The following LRRC37A2 variants were observed in gnomAD, a reference collection of about 807,000 sequenced individuals.
LRRC37A2 encodes the protein leucine rich repeat containing 37 member A2, also known as leucine-rich repeat-containing protein 37A2.
LRRC37A2 carries 9 observed loss-of-function variants against 68.8 expected under a neutral mutation model. The ratio of observed to expected loss-of-function variants is 0.13; its 90% CI spans 0.08 to 0.23. The LOEUF is 0.23. Among genes scored for constraint, LRRC37A2 ranks in the 10% least tolerant of loss-of-function variants. The pLI is 1.00. For synonymous variants in LRRC37A2, 63 were observed against 367.6 expected (o/e 0.17, Z 9.48); for missense variants, 168 against 950.4 (o/e 0.18, Z 10.82).
chr17:46,779,730 C>A, the LRRC37A2 span, among the ~76,000 whole-genome samples: 2 of 151,934 alleles, frequency 1.3e-5, no homozygotes, highest in Non-Finnish European at 1.5e-5. Flanking sequence ...CTGCAGGAGG[C>A]CTGCATGGTG....
chr17:46,896,664 C>T, the LRRC37A2 span, among the ~76,000 whole-genome samples: 118 of 152,244 alleles, frequency 7.8e-4, no homozygotes, highest in Non-Finnish European at 1.4e-3. Flanking sequence ...GGTCAAGCTC[C>T]ATCATGGTCA....
chr17:46,501,760 T>C, the LRRC37A2 span, among the ~76,000 whole-genome samples: 1 of 151,332 alleles, frequency 6.6e-6, no homozygotes, highest in Admixed American at 6.6e-5. Context: ...CCGATTTCAA[T>C]TCCTGATTGG....
chr17:46,983,245 T>A, the LRRC37A2 span, among the ~76,000 whole-genome samples: 1 of 151,504 alleles, frequency 6.6e-6, no homozygotes. Context: ...GGCCTGGACC[T>A]AGCTAACCAC....
the LRRC37A2 span, chr17:46,876,238 C>T: frequency 1.1e-5 from 18 of 1,597,670 alleles, no homozygotes; most frequent in South Asian, 2.3e-5. Context: ...TTCTGCCTCC[C>T]CCACAGGCTG....
At chr17:47,040,180 T>G in the LRRC37A2 span, among the ~76,000 whole-genome samples, 1 of 150,790 alleles carries the variant, frequency 6.6e-6, no homozygotes, top group African/African-American at 2.4e-5. Flanking sequence ...TGGTGGCTCA[T>G]GCCTATAATC....
chr17:46,802,941 C>A, the LRRC37A2 span, among the ~76,000 whole-genome samples: 2 of 152,144 alleles, frequency 1.3e-5, no homozygotes, highest in African/African-American at 2.4e-5. Flanking sequence ...TCACAGGAAC[C>A]CTGATTTATA....
At chr17:46,943,562 G>A in the LRRC37A2 span, among the ~76,000 whole-genome samples, 7 of 152,214 alleles carry the variant, frequency 4.6e-5, no homozygotes, top group African/African-American at 1.7e-4. Flanking sequence ...CGCTTCCTGC[G>A]GAATGGGAGT....
At chr17:46,520,688 GAAAC>G (rs1227220557) in intron 4 of LRRC37A2, among the ~76,000 whole-genome samples, 4 of 27,912 alleles carry the variant, frequency 1.4e-4, no homozygotes, top group African/African-American at 4.4e-4. Flanking sequence ...AAAAAGAAAA[GAAAC>G]AAAGAAATAT....
At chr17:46,853,334 T>A in the LRRC37A2 span, among the ~76,000 whole-genome samples, 2 of 149,996 alleles carry the variant, frequency 1.3e-5, no homozygotes, top group Non-Finnish European at 3.0e-5. Context: ...GTGTCTAGCA[T>A]GCAGTAAGTG....
the LRRC37A2 span, among the ~76,000 whole-genome samples, chr17:47,025,840 T>A: frequency 8.5e-6 from 1 of 117,730 alleles, no homozygotes; most frequent in African/African-American, 3.3e-5. Context: ...ACAGAGACCA[T>A]GAAATAATAA....
the LRRC37A2 span, among the ~76,000 whole-genome samples, chr17:46,897,668 G>A: frequency 6.6e-6 from 1 of 151,412 alleles, no homozygotes; most frequent in Admixed American, 6.6e-5. Flanking sequence ...TTTTATTTTT[G>A]TAGAGATGGG....
At chr17:46,839,940 CTTT>C in the LRRC37A2 span, among the ~76,000 whole-genome samples, 2 of 148,120 alleles carry the variant, frequency 1.4e-5, no homozygotes, top group Non-Finnish European at 3.0e-5. Context: ...TTCTTTCTTT[CTTT>C]CTTTCTTTCT....
At chr17:46,839,655 C>T in the LRRC37A2 span, among the ~76,000 whole-genome samples, 1 of 152,176 alleles carries the variant, frequency 6.6e-6, no homozygotes, top group African/African-American at 2.4e-5. Context: ...TTACACTAGG[C>T]ATTTCTCCCA....
At chr17:46,811,565 G>A in the LRRC37A2 span, among the ~76,000 whole-genome samples, 2 of 152,130 alleles carry the variant, frequency 1.3e-5, no homozygotes, top group African/African-American at 4.8e-5. Context: ...ACTGAGACCT[G>A]AGCAACAGAA....
chr17:46,817,135 G>A, the LRRC37A2 span, among the ~76,000 whole-genome samples: 1,168 of 152,294 alleles, frequency 7.7e-3, 23 homozygotes, highest in Admixed American at 0.04. Context: ...TCTCTCCCAG[G>A]AGCCCCAAAC....
the LRRC37A2 span, among the ~76,000 whole-genome samples, chr17:46,499,295 G>C: frequency 1.0e-5 from 1 of 100,238 alleles, no homozygotes; most frequent in Admixed American, 1.5e-4. Flanking sequence ...CTGGTCGACA[G>C]AGCAAGACTC....
chr17:46,923,151 G>A, the LRRC37A2 span: 2 of 1,344,290 alleles, frequency 1.5e-6, no homozygotes. Flanking sequence ...GACGTGTTCC[G>A]AGGAAGCCAG....
chr17:46,713,799 T>G, the LRRC37A2 span: 1 of 1,572,714 alleles, frequency 6.4e-7, no homozygotes, highest in Non-Finnish European at 8.6e-7. Context: ...CTTGTTTTAT[T>G]TCCCTTTGCT....
At chr17:47,034,382 C>A in the LRRC37A2 span, among the ~76,000 whole-genome samples, 1 of 149,870 alleles carries the variant, frequency 6.7e-6, no homozygotes, top group Admixed American at 6.8e-5. Flanking sequence ...AATGGCCCTA[C>A]ATTTTGATTT....
Sources: allele counts gnomAD v4.1 joint callset (sites outside exome capture counted in the v4.1 genomes callset), GRCh38; gene constraint gnomAD v4.1.1; transcripts MANE v1.5; gene names NCBI Gene and HGNC (gene_info 2026-07-23, HGNC 2026-07-21).